CDK14: variants seen among roughly 807,000 people sequenced by gnomAD.
CDK14 encodes the protein cyclin-dependent kinase 14.
In CDK14, 34 loss-of-function variants were observed where a neutral mutation model predicts 60.7. That is an observed-to-expected ratio of 0.56 (90% CI 0.43 to 0.75). The LOEUF is 0.75. Among genes scored for constraint, CDK14 ranks in the 30% least tolerant of loss-of-function variants. The probability of loss-of-function intolerance (pLI) is 0.00; values close to 1 mark genes in which losing one functional copy is unlikely to be tolerated. For missense variants in CDK14, 482 were observed against 564.1 expected, an observed-to-expected ratio of 0.85 and a Z score of 1.47; for synonymous variants, 197 against 203.7, an observed-to-expected ratio of 0.97 and a Z score of 0.28.
chr7:90,686,939 C>G (rs1000028586), intron 2 of CDK14, among the ~76,000 whole-genome samples: 2 of 151,938 alleles, frequency 1.3e-5, no homozygotes, highest in Non-Finnish European at 2.9e-5. Context: ...AAACTCTAAC[C>G]AAATAGCAAA....
chr7:90,620,860 A>G (rs1439877732), intron 2 of CDK14, among the ~76,000 whole-genome samples: 2 of 152,162 alleles, frequency 1.3e-5, no homozygotes, highest in African/African-American at 4.8e-5. Flanking sequence ...AAGAGGGGGA[A>G]ACTGAGTCTG....
At chr7:90,746,752 T>A (rs916936938) in intron 3 of CDK14, among the ~76,000 whole-genome samples, 5 of 152,108 alleles carry the variant, frequency 3.3e-5, no homozygotes, top group South Asian at 2.1e-4. Flanking sequence ...ATTGATGAGG[T>A]CACTCTCTCT....
rs73400913 is a variant in CDK14, at chr7:91,084,025, C to T, written c.1154+4545C>T. The stretch of plus-strand genomic sequence containing the variant: ...TTTTGCAATGTACATTGTCACATCC[C>T]CACATATGCTTATGGCAGTCTTTTG... On this transcript the variant is annotated intron_variant, in intron 12 of 14. Transcript: ENST00000380050. Among the ~76,000 whole-genome samples the T allele has an allele frequency of 7.7e-3, 1,169 of 152,274 alleles. 18 individuals are homozygous for T. Among genetic ancestry groups the T allele is most frequent in the African/African-American group, 0.027 (1,108 of 41,550 alleles).
intron 5 of CDK14, among the ~76,000 whole-genome samples, chr7:90,828,674 C>T (rs946344842): frequency 6.6e-6 from 1 of 152,094 alleles, no homozygotes; most frequent in African/African-American, 2.4e-5. Flanking sequence ...TGTGGAGATA[C>T]TCATCTGCTT....
At chr7:90,761,846 G>T (rs1804324671) in intron 4 of CDK14, among the ~76,000 whole-genome samples, 1 of 152,182 alleles carries the variant, frequency 6.6e-6, no homozygotes, top group Admixed American at 6.5e-5. Flanking sequence ...TGAGGTTGTA[G>T]TAACTCTCTA....
chr7:91,140,159 G>A (rs1800411752), intron 14 of CDK14, among the ~76,000 whole-genome samples: 1 of 152,150 alleles, frequency 6.6e-6, no homozygotes, highest in African/African-American at 2.4e-5. Context: ...GCTCAAATAA[G>A]GTCCTTTTAA....
At chr7:91,118,307 A>G (rs1309446782) in intron 14 of CDK14, 99 bp downstream of exon 14, 4 of 607,090 alleles carry the variant, frequency 6.6e-6, no homozygotes, top group African/African-American at 5.5e-5. Context: ...CAACTATCCT[A>G]TGAGTCTCTT....
chr7:90,747,950 C>A (rs1404008748), intron 4 of CDK14, among the ~76,000 whole-genome samples, 175 bp downstream of exon 4: 2 of 138,290 alleles, frequency 1.4e-5, no homozygotes, highest in Non-Finnish European at 1.5e-5. Flanking sequence ...AATTGGTGTA[C>A]CCTGCTAGTA....
In CDK14 at chr7:90,669,178, G is replaced by A. The variant is rs186621032; in HGVS notation, c.124-57389G>A. 1.9e-3 allele frequency among the ~76,000 whole-genome samples: 292 copies of A among 152,222 alleles called. 1 individual carries two copies. The highest frequency in any genetic ancestry group is 3.1e-3 in the Non-Finnish European group (212 of 68,020). Reference sequence around the variant, plus strand: ...ACATAATTTATTAGAATCTGTTTGCGTAGTAGGTAGTAGTGCAATCAGAGT... The same window carrying A: ...ACATAATTTATTAGAATCTGTTTGCATAGTAGGTAGTAGTGCAATCAGAGT... On this transcript the variant is annotated intron_variant, in intron 2 of 14. Transcript: ENST00000380050.
intron 8 of CDK14, among the ~76,000 whole-genome samples, chr7:90,930,587 G>A (rs963347738): frequency 3.7e-4 from 54 of 146,330 alleles, no homozygotes; most frequent in South Asian, 3.0e-3. Flanking sequence ...CAGTGTCTGA[G>A]GGCATTCTTA....
chr7:90,618,149 A>G (rs1266159592), intron 2 of CDK14, among the ~76,000 whole-genome samples: 1 of 152,208 alleles, frequency 6.6e-6, no homozygotes, highest in Non-Finnish European at 1.5e-5. Context: ...ATTTCATATT[A>G]TGACAGCTAA....
chr7:91,112,936 A>G (rs1799512821), intron 13 of CDK14, among the ~76,000 whole-genome samples: 1 of 151,852 alleles, frequency 6.6e-6, no homozygotes, highest in South Asian at 2.1e-4. Context: ...TTCATTTGCT[A>G]GCTTACCAGA....
At chr7:90,925,691 G>A (rs973527847) in intron 8 of CDK14, among the ~76,000 whole-genome samples, 2 of 151,996 alleles carry the variant, frequency 1.3e-5, no homozygotes, top group Admixed American at 6.6e-5. Context: ...GCAAGACCTC[G>A]TCTCTAAAAA....
rs142619671 is a variant in CDK14, at chr7:90,882,262, C to CAAAAAAA, written c.640-17019_640-17013dup. Among the ~76,000 whole-genome samples the CAAAAAAA allele has an allele frequency of 6.4e-4, 75 of 116,590 alleles. 1 individual carries two copies. Among genetic ancestry groups the CAAAAAAA allele is most frequent in the African/African-American group, 2.2e-3 (66 of 30,404 alleles). The allele number at this position is 116,590 out of a possible 152,430, so 76.5% of individuals were successfully genotyped here. A position where few individuals can be genotyped will look rare whatever the true frequency, so the allele number is the denominator to read the frequency against. ...GGAAATTTACCAAGCAAATGGAAAG[C>CAAAAAAA]AAAAAAAAAAAAAAAAGCAGGGATT... is the stretch of plus-strand genomic sequence containing the variant. On this transcript the variant is annotated intron_variant, in intron 6 of 14. Coordinates refer to ENST00000380050, the MANE Select transcript of CDK14 (RefSeq NM_001287135.2).
At chr7:90,705,121 G>T (rs1801869533) in intron 2 of CDK14, among the ~76,000 whole-genome samples, 2 of 151,480 alleles carry the variant, frequency 1.3e-5, no homozygotes, top group South Asian at 4.2e-4. Flanking sequence ...GAAAATTTCT[G>T]TTTTCTTTAT....
chr7:91,088,693 T>C (rs1798713355), intron 12 of CDK14, among the ~76,000 whole-genome samples: 1 of 152,126 alleles, frequency 6.6e-6, no homozygotes, highest in Admixed American at 6.6e-5. Context: ...TATCTTTGTG[T>C]ATCTCTATGT....
At chr7:90,786,698 C>G (rs909195243) in intron 4 of CDK14, among the ~76,000 whole-genome samples, 2 of 152,068 alleles carry the variant, frequency 1.3e-5, no homozygotes, top group African/African-American at 4.8e-5. Flanking sequence ...AAGAGGATCA[C>G]TTGAGCCCAG....
chr7:90,701,146 C>T (rs1801777690), intron 2 of CDK14, among the ~76,000 whole-genome samples: 5 of 152,142 alleles, frequency 3.3e-5, no homozygotes, highest in Admixed American at 6.6e-5. Context: ...AGGTCAGGAT[C>T]GGTGCAACAA....
At chr7:90,785,901 A>G (rs1056850343) in intron 4 of CDK14, among the ~76,000 whole-genome samples, 57 of 152,060 alleles carry the variant, frequency 3.7e-4, no homozygotes, top group African/African-American at 1.1e-3. Flanking sequence ...TCTGAAATTG[A>G]CAGATTTGGA....
Sources: allele counts gnomAD v4.1 joint callset (sites outside exome capture counted in the v4.1 genomes callset), GRCh38; gene constraint gnomAD v4.1.1; transcripts MANE v1.5; gene names NCBI Gene and HGNC (gene_info 2026-07-23, HGNC 2026-07-21).